Variants in PTPN22 observed in about 807,000 individuals in gnomAD.
The protein encoded by PTPN22 is protein tyrosine phosphatase non-receptor type 22.
A neutral mutation model predicts 103.3 loss-of-function variants in PTPN22; 85 were observed. That is an observed-to-expected ratio of 0.82 (90% CI 0.69 to 0.99). The LOEUF (loss-of-function observed/expected upper bound fraction) is 0.99. Among genes scored for constraint, PTPN22 ranks in the 50% least tolerant of loss-of-function variants. PTPN22 has a pLI of 0.00. For synonymous variants in PTPN22, 323 were observed against 310.2 expected (o/e 1.04, Z -0.43); for missense variants, 865 against 936.9 (o/e 0.92, Z 1.00).
At position 113,862,486 on chromosome 1, in the gene PTPN22, A is replaced by G. The variant is rs943100268; in HGVS notation, c.88-3026T>C. ...GAGGAGAATGGGGATCCTGGCCAGT[A>G]TAACAAGGAGTATTAGATTCTAGAA... On this transcript the variant is annotated intron_variant, in intron 1 of 20. Coordinates refer to ENST00000359785, the Ensembl canonical transcript of PTPN22. Among the ~76,000 whole-genome samples, 11 of 152,252 alleles carry G rather than the reference A, an allele frequency of 7.2e-5. No individual in the cohort carries two copies. In the East Asian group the frequency reaches 1.9e-3, roughly 27 times the overall value.
rs945594567 is a variant in PTPN22 at position 113,819,425 on chromosome 1, G to T, written c.2359+152C>A. ...TGTGAGATGTTAAGAGGTAGTTAAG[G>T]TTAAAAATAAAAAGATAAATTGCAT... On this transcript the variant is annotated intron_variant, in intron 20 of 20. Coordinates refer to ENST00000359785, the Ensembl canonical transcript of PTPN22. The T allele has an allele frequency of 2.2e-5, 10 of 459,722 alleles. No homozygotes were observed. In the Admixed American group the frequency reaches 2.4e-4, roughly 11 times the overall value. 28.5% of individuals were successfully genotyped at this position (459,722 alleles called of 1,614,324 possible).
intron 11 of PTPN22, among the ~76,000 whole-genome samples, chr1:113,841,992 G>A (rs1663592215): frequency 6.6e-6 from 1 of 151,998 alleles, no homozygotes; most frequent in Admixed American, 6.6e-5. Context: ...ACTCCTTGAG[G>A]CCAGGAGTTC....
chr1:113,844,900 C>G (rs1310601933), intron 11 of PTPN22, among the ~76,000 whole-genome samples: 1 of 152,152 alleles, frequency 6.6e-6, no homozygotes, highest in Non-Finnish European at 1.5e-5. Context: ...TTGACTGCAG[C>G]CTTGACCTCC....
At chr1:113,843,103 A>AAAAAAAAAAAC (rs1331140213) in intron 11 of PTPN22, among the ~76,000 whole-genome samples, 1 of 145,718 alleles carries the variant, frequency 6.9e-6, no homozygotes, top group African/African-American at 2.6e-5. Flanking sequence ...CCGTCTCAAA[A>AAAAAAAAAAAC]AAAAAAAAAA....
At chr1:113,859,919 T>G (rs1665414744) in intron 1 of PTPN22, among the ~76,000 whole-genome samples, 1 of 151,820 alleles carries the variant, frequency 6.6e-6, no homozygotes, top group Admixed American at 6.6e-5. Context: ...TTTCTCTATA[T>G]CTAGCAAAAT....
At chr1:113,871,399 C>CT (rs942057521) in intron 1 of PTPN22, 138 bp downstream of exon 1, 5,943 of 581,156 alleles carry the variant, frequency 0.01, no homozygotes, top group South Asian at 0.013. Context: ...AGAAGTCAAA[C>CT]TTTTTTTTTT....
chr1:113,836,250 G>A (rs921591583), intron 13 of PTPN22, among the ~76,000 whole-genome samples: 3 of 152,142 alleles, frequency 2.0e-5, no homozygotes, highest in Non-Finnish European at 4.4e-5. Flanking sequence ...CTTGTTCATT[G>A]CTTTCCCTCA....
Position 113,833,484 on chromosome 1 carries a change from G to T in PTPN22, c.2026-346C>A, listed in dbSNP as rs146840932. On this transcript the variant is annotated intron_variant, in intron 15 of 20. Transcript: ENST00000359785. ...AGAGTGACTGTTCTTTCCTCTGGGA[G>T]TTGTTAAAGTAAATATATGTGCCTA... is the stretch of plus-strand genomic sequence containing the variant. Among the ~76,000 whole-genome samples the T allele has an allele frequency of 5.9e-5, 9 of 152,300 alleles. No individual in the cohort carries two copies. The East Asian group carries it at 1.5e-3, about 26-fold the overall frequency.
chr1:113,842,145 G>A lies in PTPN22; in HGVS notation c.916-3525C>T, dbSNP rs747946572. ...GATCACTTAAGGCCCAAGAGTTTGA[G>A]GCTTCAGTGAGCCATGATGGTGCCA... On this transcript the variant is annotated intron_variant, in intron 11 of 20. Transcript: ENST00000359785. Among the ~76,000 whole-genome samples, 211 of 152,168 alleles carry A rather than the reference G, an allele frequency of 1.4e-3. 3 individuals carry two copies. Among genetic ancestry groups the A allele is most frequent in the Non-Finnish European group, 2.5e-3 (173 of 68,016 alleles).
chr1:113,836,398 G>A (rs1294527288), intron 13 of PTPN22, among the ~76,000 whole-genome samples: 1 of 152,032 alleles, frequency 6.6e-6, no homozygotes, highest in Admixed American at 6.5e-5. Flanking sequence ...TGAAAGTAAA[G>A]GTATACATAT....
chr1:113,850,858 T>C (rs1664512979), intron 10 of PTPN22, among the ~76,000 whole-genome samples: 1 of 152,258 alleles, frequency 6.6e-6, no homozygotes, highest in Non-Finnish European at 1.5e-5. Context: ...AAGGTCTTGC[T>C]ATTTAAGTAG....
At chr1:113,841,996 G>A (rs1362759678) in intron 11 of PTPN22, among the ~76,000 whole-genome samples, 1 of 151,982 alleles carries the variant, frequency 6.6e-6, no homozygotes, top group Non-Finnish European at 1.5e-5. Context: ...CTTGAGGCCA[G>A]GAGTTCAAGA....
intron 14 of PTPN22, 113 bp downstream of exon 14, chr1:113,834,797 T>C: frequency 1.1e-6 from 1 of 886,906 alleles, no homozygotes; most frequent in Non-Finnish European, 1.8e-6. Context: ...CTGGCCTCAA[T>C]GAACTCCTCA....
At chr1:113,839,748 C>T (rs1267592462) in intron 11 of PTPN22, among the ~76,000 whole-genome samples, 1 of 151,978 alleles carries the variant, frequency 6.6e-6, no homozygotes, top group Non-Finnish European at 1.5e-5. Flanking sequence ...TATGAAAACC[C>T]ATAACTAACA....
chr1:113,857,812 T>C, intron 4 of PTPN22, 36 bp from the exon 5 acceptor site: 6 of 1,571,038 alleles, frequency 3.8e-6, no homozygotes, highest in Non-Finnish European at 5.2e-6. Context: ...TAAACATTCA[T>C]ATATAGTTAG....
intron 1 of PTPN22, among the ~76,000 whole-genome samples, chr1:113,860,798 C>T (rs1665512697): frequency 6.6e-6 from 1 of 152,166 alleles, no homozygotes; most frequent in African/African-American, 2.4e-5. Context: ...CTAGGAGTCT[C>T]CAGAACTAAG....
chr1:113,843,286 A>ATGTGTGTG (rs35997994), intron 11 of PTPN22, among the ~76,000 whole-genome samples: 140 of 149,878 alleles, frequency 9.3e-4, no homozygotes, highest in African/African-American at 3.0e-3. Flanking sequence ...GATAAACAAA[A>ATGTGTGTG]TGTGTGTGTG....
rs373094744 is a variant in PTPN22, at chr1:113,832,823, G to A, written c.2053+288C>T. The A allele has an allele frequency of 1.1e-4, 31 of 284,880 alleles. No homozygotes were observed. In the East Asian group the frequency reaches 1.2e-3, roughly 11 times the overall value. 17.6% of individuals were successfully genotyped at this position (284,880 alleles called of 1,614,324 possible). On this transcript the variant is annotated intron_variant, in intron 16 of 20. Transcript: ENST00000359785. Reference sequence around the variant, plus strand: ...TTTTTGAATCACACTGTTAACAGTGGGAAAATCTCTATAGTGGAAAAGCTG... The same window carrying A: ...TTTTTGAATCACACTGTTAACAGTGAGAAAATCTCTATAGTGGAAAAGCTG...
At chr1:113,859,324 T>A (rs1489034500) in intron 2 of PTPN22, 28 bp downstream of exon 2, 1 of 1,581,996 alleles carries the variant, frequency 6.3e-7, no homozygotes, top group Admixed American at 1.7e-5. Context: ...GGAGAAAGTA[T>A]GAGTTTATAG....
Sources: gnomAD v4.1 joint callset for allele counts (sites outside exome capture counted in the v4.1 genomes callset) on GRCh38, gnomAD v4.1.1 for gene constraint, MANE v1.5 for transcripts, NCBI Gene and HGNC (gene_info 2026-07-23, HGNC 2026-07-21) for gene names.